The following SCCPDH variants were observed in gnomAD, a reference collection of about 807,000 sequenced individuals.
SCCPDH encodes the protein saccharopine dehydrogenase-like oxidoreductase.
Under a neutral mutation model 51.5 loss-of-function variants are expected in SCCPDH, and 34 were observed. The ratio of observed to expected loss-of-function variants is 0.66; its 90% confidence interval spans 0.50 to 0.88. The LOEUF (loss-of-function observed/expected upper bound fraction) is 0.88, where lower values mean the gene tolerates loss of function less well. Ranked by LOEUF, SCCPDH falls within the 40% of genes least tolerant of loss-of-function variation. The pLI is 0.00. For synonymous variants in SCCPDH, 187 were observed against 191.3 expected, an observed-to-expected ratio of 0.98 and a Z score of 0.19; for missense variants, 464 against 527.1, an observed-to-expected ratio of 0.88 and a Z score of 1.17.
intron 9 of SCCPDH, among the ~76,000 whole-genome samples, chr1:246,762,660 G>A (rs549532427): frequency 1.1e-4 from 16 of 152,108 alleles, no homozygotes; most frequent in African/African-American, 3.9e-4. Flanking sequence ...TGGCCAACAG[G>A]TGAAACTTCA....
chr1:246,757,072 G>A lies in SCCPDH; in HGVS notation c.565-1154G>A, dbSNP rs192987208. ...GAAAGGTCAGTGCTAGGCCGGGCGCGGTGGCTCATGCCTGCAATCCCAGCA... is the reference window on the plus strand; with the variant it reads ...GAAAGGTCAGTGCTAGGCCGGGCGCAGTGGCTCATGCCTGCAATCCCAGCA... On this transcript the variant is annotated intron_variant, in intron 5 of 11. Coordinates refer to ENST00000366510, the MANE Select transcript of SCCPDH (RefSeq NM_016002.3). Among the ~76,000 whole-genome samples the A allele has an allele frequency of 4.5e-4, 68 of 152,312 alleles. No individual in the cohort carries two copies. The East Asian group carries it at 7.3e-3, about 16-fold the overall frequency.
chr1:246,735,436 G>C (rs1668551045), intron 2 of SCCPDH, among the ~76,000 whole-genome samples: 1 of 152,136 alleles, frequency 6.6e-6, no homozygotes, highest in South Asian at 2.1e-4. Context: ...TTTTCCTTTT[G>C]TCTTCAGGTA....
intron 2 of SCCPDH, among the ~76,000 whole-genome samples, chr1:246,729,725 C>G (rs1558166072): frequency 6.6e-6 from 1 of 152,162 alleles, no homozygotes; most frequent in African/African-American, 2.4e-5. Flanking sequence ...AGATTAAAGA[C>G]AGGCATAGGA....
chr1:246,743,492 A>C (rs1668710839), intron 4 of SCCPDH, among the ~76,000 whole-genome samples: 1 of 151,718 alleles, frequency 6.6e-6, no homozygotes, highest in South Asian at 2.1e-4. Context: ...CTGAGGCATG[A>C]GAATCGCTTG....
chr1:246,741,771 A>G (rs1197413022), intron 4 of SCCPDH, among the ~76,000 whole-genome samples: 2 of 152,332 alleles, frequency 1.3e-5, no homozygotes, highest in Non-Finnish European at 2.9e-5. Flanking sequence ...AGTTTCCTAC[A>G]TAATAAATGT....
intron 4 of SCCPDH, among the ~76,000 whole-genome samples, chr1:246,742,571 T>TA (rs1323474940): frequency 6.6e-6 from 1 of 152,222 alleles, no homozygotes; most frequent in Admixed American, 6.5e-5. Context: ...TCTAGTGAGT[T>TA]ATACGTTAAT....
At chr1:246,755,046 T>A (rs1340535768) in intron 5 of SCCPDH, among the ~76,000 whole-genome samples, 1 of 152,212 alleles carries the variant, frequency 6.6e-6, no homozygotes, top group Non-Finnish European at 1.5e-5. Flanking sequence ...ACACCATTTA[T>A]GATAGCATTA....
chr1:246,747,421 C>G (rs1052250476), intron 5 of SCCPDH, among the ~76,000 whole-genome samples: 16 of 152,194 alleles, frequency 1.1e-4, no homozygotes, highest in African/African-American at 3.4e-4. Context: ...CACGGTGGCT[C>G]ATGCCTATAA....
rs963986580 is a variant in SCCPDH, at chr1:246,733,366, C to T, written c.304-2609C>T. On this transcript the variant is annotated intron_variant, in intron 2 of 11. Coordinates refer to ENST00000366510, the MANE Select transcript of SCCPDH (RefSeq NM_016002.3). ...CCTCCCAAAGTGTTGGGATTACAGA[C>T]GTGAGCCACTGTGCCTGGCCATGTG... Among the ~76,000 whole-genome samples, 7 of 151,882 alleles carry T rather than the reference C, an allele frequency of 4.6e-5. No homozygotes were observed. The East Asian group carries it at 5.8e-4, about 13-fold the overall frequency.
At chr1:246,759,896 A>G (rs1668984976) in intron 7 of SCCPDH, 61 bp from the exon 8 acceptor site, 6 of 1,542,010 alleles carry the variant, frequency 3.9e-6, no homozygotes, top group East Asian at 4.6e-5. Flanking sequence ...AGTAACTAAC[A>G]TTCTTACTTG....
chr1:246,758,033 T>C (rs1668957875), intron 5 of SCCPDH, among the ~76,000 whole-genome samples, 193 bp from the exon 6 acceptor site: 1 of 152,014 alleles, frequency 6.6e-6, no homozygotes, highest in African/African-American at 2.4e-5. Flanking sequence ...GTGTAAATAT[T>C]GGGTATGATC....
rs57989437 is a variant in SCCPDH at position 246,733,491 on chromosome 1, T to TACACACAC, written c.304-2469_304-2462dup. ...ATATAGTCCGTAGCATCATATTTTA[T>TACACACAC]ACACACACACACACACACACACTTT... On this transcript the variant is annotated intron_variant, in intron 2 of 11. Transcript: ENST00000366510. Among the ~76,000 whole-genome samples, 876 of 148,934 alleles carry TACACACAC rather than the reference T, an allele frequency of 5.9e-3. 6 individuals carry two copies. Among genetic ancestry groups the TACACACAC allele is most frequent in the African/African-American group, 0.015 (609 of 40,446 alleles).
rs1419453710 is a variant in SCCPDH at position 246,767,268 on chromosome 1, G to A, written c.1258G>A (p.Glu420Lys). 2.5e-6 allele frequency: 4 copies of A among 1,609,662 alleles called. No individual in the cohort carries two copies. Among genetic ancestry groups the A allele is most frequent in the East Asian group, 2.2e-5 (1 of 44,634 alleles). Residue 420 changes from glutamate to lysine, a missense_variant, in exon 12 of 12, where the codon GAG (glutamate) becomes AAG (lysine). By Grantham distance (56) the Glu-to-Lys change is moderately conservative. Transcript: ENST00000366510. ...TGACAGACTCAACAAACACGGTATT[G>A]AGTTTAGTGTTATTAGCAGCTCTGA... ...LIDRLNKHGI[E>K]FSVISSSEV
chr1:246,744,421 C>A (rs142963823), intron 5 of SCCPDH, among the ~76,000 whole-genome samples: 3 of 152,002 alleles, frequency 2.0e-5, no homozygotes, highest in African/African-American at 7.3e-5. Flanking sequence ...TGGGTTCAAG[C>A]GATTCTCCTG....
At chr1:246,752,636 A>T (rs1668866269) in intron 5 of SCCPDH, among the ~76,000 whole-genome samples, 1 of 152,086 alleles carries the variant, frequency 6.6e-6, no homozygotes, top group Non-Finnish European at 1.5e-5. Flanking sequence ...ATTTAACACG[A>T]ATCGGAGGAA....
intron 5 of SCCPDH, among the ~76,000 whole-genome samples, chr1:246,757,433 G>A (rs542960752): frequency 1.3e-5 from 2 of 151,534 alleles, no homozygotes; most frequent in Admixed American, 1.3e-4. Flanking sequence ...CTCGTTTCTC[G>A]GTGGCGCTAG....
chr1:246,736,084 A>G lies in SCCPDH; in HGVS notation c.384+29A>G, dbSNP rs917764654. ...TAAAAAATAAAAAGGAAAAACGTAG[A>G]ATTAACACATAAATTTCGGTTTAAT... On this transcript the variant is annotated intron_variant, in intron 3 of 11. Coordinates refer to ENST00000366510, the MANE Select transcript of SCCPDH (RefSeq NM_016002.3). 5 of 1,464,556 alleles carry G rather than the reference A, an allele frequency of 3.4e-6. No homozygotes were observed. The Admixed American group carries it at 5.5e-5, about 16-fold the overall frequency. 90.7% of individuals were successfully genotyped at this position (1,464,556 alleles called of 1,614,324 possible).
In SCCPDH at chr1:246,754,188, T is replaced by C. The variant is rs143960770; in HGVS notation, c.565-4038T>C. On this transcript the variant is annotated intron_variant, in intron 5 of 11. Transcript: ENST00000366510. ...AGGAAACGCTTGGCTGCTCCTGTGG[T>C]GTTTCTTACCTTGGTCTGTGCACAG... 4.7e-3 allele frequency among the ~76,000 whole-genome samples: 709 copies of C among 151,810 alleles called. 6 individuals carry two copies. The highest frequency in any genetic ancestry group is 0.016 in the African/African-American group (660 of 41,374).
intron 5 of SCCPDH, among the ~76,000 whole-genome samples, chr1:246,754,622 T>G (rs1668903254): frequency 6.6e-6 from 1 of 152,212 alleles, no homozygotes; most frequent in African/African-American, 2.4e-5. Flanking sequence ...GAGTGAGCAA[T>G]TCCTGTCCCT....
Sources: allele counts gnomAD v4.1 joint callset (sites outside exome capture counted in the v4.1 genomes callset), GRCh38; gene constraint gnomAD v4.1.1; transcripts MANE v1.5; gene names NCBI Gene and HGNC (gene_info 2026-07-23, HGNC 2026-07-21).